The following GPC6 variants were observed in gnomAD, a reference collection of about 807,000 sequenced individuals.
The protein encoded by GPC6 is glypican 6, also known as glypican-6.
Under a neutral mutation model 55.2 loss-of-function variants are expected in GPC6, and 14 were observed. The ratio of observed to expected loss-of-function variants is 0.25; its 90% CI spans 0.17 to 0.40. The LOEUF (loss-of-function observed/expected upper bound fraction) is 0.40. GPC6 is among the 10% of genes least tolerant of loss of function. The pLI, the probability that GPC6 is intolerant of heterozygous loss-of-function variation, is 1.00. For synonymous variants in GPC6, 278 were observed against 259.6 expected (o/e 1.07, Z -0.68); for missense variants, 641 against 708.5 (o/e 0.90, Z 1.08).
chr13:93,732,688 A>G (rs990572238), intron 2 of GPC6, among the ~76,000 whole-genome samples: 2 of 152,156 alleles, frequency 1.3e-5, no homozygotes, highest in African/African-American at 4.8e-5. Context: ...TCTCTTTGGT[A>G]TCATTTATTA....
At position 94,174,572 on chromosome 13, in the gene GPC6, G is replaced by C. The variant is rs536127808; in HGVS notation, c.878-111777G>C. Among the ~76,000 whole-genome samples, 5 of 152,160 alleles carry C rather than the reference G, an allele frequency of 3.3e-5. No individual in the cohort carries two copies. The East Asian group carries it at 9.7e-4, about 29-fold the overall frequency. ...AACAAATGGTGTGGCAAAGCAGAAG[G>C]TCAGTGAACAAGAAAGAAAAGCATG... is the stretch of plus-strand genomic sequence containing the variant. On this transcript the variant is annotated intron_variant, in intron 4 of 8. Coordinates refer to ENST00000377047, the MANE Select transcript of GPC6 (RefSeq NM_005708.5).
rs544520851 is a variant in GPC6, at chr13:94,093,502, G to A, written c.877+65608G>A. On this transcript the variant is annotated intron_variant, in intron 4 of 8. Coordinates refer to ENST00000377047, the MANE Select transcript of GPC6 (RefSeq NM_005708.5). ...GTAGTGCCATGCTGTTTTGATTACC[G>A]TAACTCAGTAGTATATTTTGAAATC... Among the ~76,000 whole-genome samples, 24 of 152,060 alleles carry A rather than the reference G, an allele frequency of 1.6e-4. No homozygotes were observed. In the South Asian group the frequency reaches 1.7e-3, roughly 10 times the overall value.
chr13:93,877,847 G>T (rs1286508247), intron 3 of GPC6, among the ~76,000 whole-genome samples: 1 of 152,034 alleles, frequency 6.6e-6, no homozygotes, highest in Non-Finnish European at 1.5e-5. Context: ...TGATTACATT[G>T]GTGGAGACAG....
intron 4 of GPC6, among the ~76,000 whole-genome samples, chr13:94,148,676 T>TTAG (rs1381557075): frequency 1.3e-5 from 2 of 151,682 alleles, no homozygotes; most frequent in African/African-American, 4.8e-5. Flanking sequence ...TTTTCAAATG[T>TTAG]TATTATTATT....
At chr13:93,538,551 G>C (rs1050358845) in intron 1 of GPC6, among the ~76,000 whole-genome samples, 2 of 152,136 alleles carry the variant, frequency 1.3e-5, no homozygotes, top group Non-Finnish European at 2.9e-5. Context: ...CAGGATCAGC[G>C]TTTTGCTGCC....
chr13:93,423,320 A>G (rs1423447015), intron 1 of GPC6, among the ~76,000 whole-genome samples: 2 of 152,190 alleles, frequency 1.3e-5, no homozygotes. Context: ...AGCAGGACAG[A>G]AAGTTGAGAA....
chr13:93,576,018 A>G (rs575925330), intron 2 of GPC6, among the ~76,000 whole-genome samples: 4 of 152,130 alleles, frequency 2.6e-5, no homozygotes, highest in South Asian at 2.1e-4. Context: ...TTCTTTCTTA[A>G]TTATTATTAT....
intron 1 of GPC6, among the ~76,000 whole-genome samples, chr13:93,455,657 T>A (rs1341785980): frequency 6.6e-6 from 1 of 151,528 alleles, no homozygotes; most frequent in Non-Finnish European, 1.5e-5. Context: ...AGCCATGGGG[T>A]GTGGGATTTC....
At chr13:93,502,802 G>T (rs1029639061) in intron 1 of GPC6, among the ~76,000 whole-genome samples, 2 of 151,946 alleles carry the variant, frequency 1.3e-5, no homozygotes, top group Non-Finnish European at 2.9e-5. Flanking sequence ...CTCCTACCAC[G>T]GTTAGCTTCA....
At chr13:93,920,659 C>T (rs183684794) in intron 3 of GPC6, among the ~76,000 whole-genome samples, 10 of 152,288 alleles carry the variant, frequency 6.6e-5, no homozygotes, top group Middle Eastern at 3.4e-3. Context: ...ATTCTAACAA[C>T]GTTTTCACAG....
chr13:94,235,559 G>A (rs781334762), intron 4 of GPC6, among the ~76,000 whole-genome samples: 12 of 152,076 alleles, frequency 7.9e-5, no homozygotes, highest in Non-Finnish European at 1.6e-4. Context: ...AAGAAACTCT[G>A]ATTAGCAAAT....
intron 1 of GPC6, among the ~76,000 whole-genome samples, chr13:93,278,034 G>C (rs1877816767): frequency 6.6e-6 from 1 of 152,010 alleles, no homozygotes; most frequent in African/African-American, 2.4e-5. Flanking sequence ...TATTGATACT[G>C]TAATAATATT....
In GPC6 at chr13:93,857,224, G is replaced by T. The variant is rs1207684258; in HGVS notation, c.711+26679G>T. ...CAGGGAGTTTACTCCTAAGCAGCAG[G>T]AGAGAATCAAAGAAAGTTTTCATGT... On this transcript the variant is annotated intron_variant, in intron 3 of 8. Transcript: ENST00000377047. 2.6e-5 allele frequency among the ~76,000 whole-genome samples: 4 copies of T among 151,670 alleles called. No homozygotes were observed. The East Asian group carries it at 5.9e-4, about 22-fold the overall frequency.
chr13:93,899,701 A>AGAGGCT (rs1397009221), intron 3 of GPC6, among the ~76,000 whole-genome samples: 2 of 152,152 alleles, frequency 1.3e-5, no homozygotes, highest in Non-Finnish European at 2.9e-5. Context: ...GCTATACCAT[A>AGAGGCT]ATAAAAAGGC....
chr13:93,253,429 A>G (rs1454148877), intron 1 of GPC6, among the ~76,000 whole-genome samples: 1 of 152,208 alleles, frequency 6.6e-6, no homozygotes, highest in African/African-American at 2.4e-5. Context: ...GAAACAATTT[A>G]TTTTTAATCA....
At chr13:94,228,742 C>T (rs1288651634) in intron 4 of GPC6, among the ~76,000 whole-genome samples, 1 of 151,748 alleles carries the variant, frequency 6.6e-6, no homozygotes, top group Non-Finnish European at 1.5e-5. Context: ...GCCATCCCAT[C>T]CTCCAGTGGG....
At chr13:93,741,898 A>G (rs908429974) in intron 2 of GPC6, among the ~76,000 whole-genome samples, 4 of 152,224 alleles carry the variant, frequency 2.6e-5, no homozygotes. Flanking sequence ...TCCCAATTTT[A>G]TAGTTTTCAC....
chr13:93,387,681 A>C (rs1483470341), intron 1 of GPC6, among the ~76,000 whole-genome samples: 1 of 152,220 alleles, frequency 6.6e-6, no homozygotes, highest in Non-Finnish European at 1.5e-5. Flanking sequence ...CAGTAAGAGA[A>C]CATAATTTAA....
intron 2 of GPC6, among the ~76,000 whole-genome samples, chr13:93,753,193 C>T (rs781177038): frequency 5.3e-5 from 8 of 152,092 alleles, no homozygotes; most frequent in Admixed American, 1.3e-4. Flanking sequence ...CATAGTGTCT[C>T]GTTACTTAGT....
Sources: allele counts gnomAD v4.1 joint callset (sites outside exome capture counted in the v4.1 genomes callset), GRCh38; gene constraint gnomAD v4.1.1; transcripts MANE v1.5; gene names NCBI Gene and HGNC (gene_info 2026-07-23, HGNC 2026-07-21).